MDGA2: variants seen among roughly 807,000 people sequenced by gnomAD.
The protein encoded by MDGA2 is MAM domain-containing glycosylphosphatidylinositol anchor protein 2.
MDGA2 carries 40 observed loss-of-function variants against 117.8 expected under a neutral mutation model. The ratio of observed to expected loss-of-function variants is 0.34; its 90% CI spans 0.26 to 0.44. The LOEUF (loss-of-function observed/expected upper bound fraction) is 0.44. MDGA2 is among the 20% of genes least tolerant of loss of function. The pLI is 1.00. For missense variants in MDGA2, 1,123 were observed against 1,250.6 expected (o/e 0.90, Z 1.54); for synonymous variants, 452 against 439.0 (o/e 1.03, Z -0.37).
At chr14:47,084,782 C>T (rs974109910) in intron 6 of MDGA2, among the ~76,000 whole-genome samples, 10 of 152,094 alleles carry the variant, frequency 6.6e-5, no homozygotes, top group African/African-American at 1.9e-4. Flanking sequence ...GGATATGAAA[C>T]GTTTGCAGTG....
intron 8 of MDGA2, among the ~76,000 whole-genome samples, chr14:47,030,575 T>G (rs1463285335): frequency 6.6e-6 from 1 of 152,138 alleles, no homozygotes; most frequent in African/African-American, 2.4e-5. Flanking sequence ...CTATACATAC[T>G]ATGATTTTTA....
At chr14:47,609,048 T>G (rs1896791036) in intron 1 of MDGA2, among the ~76,000 whole-genome samples, 1 of 151,896 alleles carries the variant, frequency 6.6e-6, no homozygotes, top group African/African-American at 2.4e-5. Context: ...ATTCAGTTCT[T>G]TTTTTATTTT....
chr14:47,119,311 C>T (rs978588411), intron 5 of MDGA2, among the ~76,000 whole-genome samples: 1 of 151,540 alleles, frequency 6.6e-6, no homozygotes, highest in African/African-American at 2.4e-5. Context: ...GTGCTCTGCC[C>T]GCCTCGGCCT....
intron 14 of MDGA2, among the ~76,000 whole-genome samples, chr14:46,865,616 C>T (rs1340189427): frequency 1.7e-4 from 26 of 151,700 alleles, no homozygotes; most frequent in African/African-American, 4.6e-4. Context: ...TGTTTGCAGA[C>T]GACATGATTG....
chr14:46,958,053 T>C (rs1023703086), intron 8 of MDGA2, among the ~76,000 whole-genome samples: 1 of 152,216 alleles, frequency 6.6e-6, no homozygotes, highest in African/African-American at 2.4e-5. Context: ...ATTTACTTCA[T>C]GGTCTGATAC....
At chr14:47,099,805 T>C (rs1880196164) in intron 5 of MDGA2, among the ~76,000 whole-genome samples, 1 of 152,074 alleles carries the variant, frequency 6.6e-6, no homozygotes, top group African/African-American at 2.4e-5. Context: ...TGTAACTATC[T>C]TGAAGTATTT....
chr14:47,446,882 C>T (rs1300552222), intron 1 of MDGA2, among the ~76,000 whole-genome samples: 2 of 152,000 alleles, frequency 1.3e-5, no homozygotes, highest in Non-Finnish European at 2.9e-5. Context: ...ATTTCAGCCC[C>T]CCTCTATTGC....
chr14:47,248,538 A>G (rs576497030), intron 2 of MDGA2, among the ~76,000 whole-genome samples: 1 of 152,004 alleles, frequency 6.6e-6, no homozygotes, highest in African/African-American at 2.4e-5. Context: ...TATGTGACAA[A>G]TCTTTAATAT....
At chr14:47,179,284 T>C (rs531583737) in intron 3 of MDGA2, among the ~76,000 whole-genome samples, 157 of 152,234 alleles carry the variant, frequency 1.0e-3, no homozygotes, top group African/African-American at 3.6e-3. Flanking sequence ...TATTTATACT[T>C]ATGTTTTCTA....
At chr14:47,222,734 A>G (rs1346246132) in intron 2 of MDGA2, among the ~76,000 whole-genome samples, 5 of 152,234 alleles carry the variant, frequency 3.3e-5, no homozygotes, top group Non-Finnish European at 7.3e-5. Context: ...GAGGTAGGAC[A>G]GGCATGCTAT....
chr14:46,917,296 CTT>C (rs1883938339), intron 10 of MDGA2, among the ~76,000 whole-genome samples: 1 of 152,164 alleles, frequency 6.6e-6, no homozygotes, highest in South Asian at 2.1e-4. Flanking sequence ...GAAATGTACT[CTT>C]TTAAAAAATC....
chr14:47,460,476 T>G lies in MDGA2; in HGVS notation c.281-158926A>C, dbSNP rs1298445143. ...TCTATTTTTAGAAAAACATTAGACTTACTTATTTAGATGAGACACAGAGAA... is the reference window on the plus strand; with the variant it reads ...TCTATTTTTAGAAAAACATTAGACTGACTTATTTAGATGAGACACAGAGAA... On this transcript the variant is annotated intron_variant, in intron 1 of 16. Coordinates refer to ENST00000399232, the MANE Select transcript of MDGA2 (RefSeq NM_001113498.3). Among the ~76,000 whole-genome samples the G allele has an allele frequency of 2.6e-5, 4 of 152,062 alleles. No homozygotes were observed. The East Asian group carries it at 7.7e-4, about 29-fold the overall frequency.
intron 1 of MDGA2, among the ~76,000 whole-genome samples, chr14:47,402,976 T>C (rs1021702630): frequency 1.3e-5 from 2 of 152,206 alleles, no homozygotes; most frequent in South Asian, 2.1e-4. Flanking sequence ...CTCTTCAGTA[T>C]ATAATCTCTC....
chr14:47,639,749 A>C, intron 1 of MDGA2, among the ~76,000 whole-genome samples: 1 of 151,972 alleles, frequency 6.6e-6, no homozygotes. Flanking sequence ...TCATTCAAGG[A>C]CCTCTCCTCC....
At chr14:47,105,732 G>A (rs1036835030) in intron 5 of MDGA2, among the ~76,000 whole-genome samples, 11 of 149,402 alleles carry the variant, frequency 7.4e-5, no homozygotes, top group African/African-American at 1.5e-4. Flanking sequence ...AGTGCAACTC[G>A]TCCCAAATCT....
At chr14:47,321,248 G>T (rs1402939525) in intron 1 of MDGA2, among the ~76,000 whole-genome samples, 1 of 152,100 alleles carries the variant, frequency 6.6e-6, no homozygotes, top group Non-Finnish European at 1.5e-5. Flanking sequence ...TCTCTTATGT[G>T]GCAGACCTGA....
intron 2 of MDGA2, among the ~76,000 whole-genome samples, chr14:47,260,273 G>A (rs548543085): frequency 4.6e-5 from 7 of 152,142 alleles, no homozygotes; most frequent in East Asian, 1.9e-4. Context: ...TTTGTTTTTC[G>A]TATACAGACA....
chr14:47,351,095 T>G (rs1890869403), intron 1 of MDGA2, among the ~76,000 whole-genome samples: 1 of 113,034 alleles, frequency 8.8e-6, no homozygotes, highest in East Asian at 2.4e-4. Flanking sequence ...TTTTTTTTTT[T>G]GAAACGAAGT....
At chr14:47,366,386 C>T (rs769990572) in intron 1 of MDGA2, among the ~76,000 whole-genome samples, 1 of 151,932 alleles carries the variant, frequency 6.6e-6, no homozygotes. Context: ...GAAAAGGGGG[C>T]TGTTCTAGAA....
Sources: allele counts gnomAD v4.1 joint callset (sites outside exome capture counted in the v4.1 genomes callset), GRCh38; gene constraint gnomAD v4.1.1; transcripts MANE v1.5; gene names NCBI Gene and HGNC (gene_info 2026-07-23, HGNC 2026-07-21).